The following SEL1L2 variants were observed in gnomAD, a reference collection of about 807,000 sequenced individuals.
The protein encoded by SEL1L2 is SEL1L2 adaptor subunit of SYVN1 ubiquitin ligase, also known as protein sel-1 homolog 2.
A neutral mutation model predicts 98.8 loss-of-function variants in SEL1L2; 89 were observed. The observed-to-expected ratio is 0.90, with a 90% confidence interval of 0.76 to 1.07. The LOEUF (loss-of-function observed/expected upper bound fraction) is 1.07. Ranked by LOEUF, SEL1L2 falls within the 50% of genes least tolerant of loss-of-function variation. The pLI, the probability that SEL1L2 is intolerant of heterozygous loss-of-function variation, is 0.00. For missense variants in SEL1L2, 788 were observed against 812.0 expected (o/e 0.97, Z 0.36); for synonymous variants, 262 against 278.5 (o/e 0.94, Z 0.59).
intron 1 of SEL1L2, among the ~76,000 whole-genome samples, chr20:13,969,558 T>C (rs1012338521): frequency 3.9e-5 from 6 of 152,216 alleles, no homozygotes; most frequent in African/African-American, 7.2e-5. Context: ...TTTAAGCCTT[T>C]GAATAATCCA....
intron 1 of SEL1L2, among the ~76,000 whole-genome samples, chr20:13,982,921 G>C (rs1056897805): frequency 1.3e-5 from 2 of 149,228 alleles, no homozygotes. Context: ...CTACTCGGGA[G>C]GCTGAGGCAG....
chr20:13,884,021 T>C (rs1389954977), intron 10 of SEL1L2, among the ~76,000 whole-genome samples: 1 of 152,200 alleles, frequency 6.6e-6, no homozygotes, highest in Non-Finnish European at 1.5e-5. Flanking sequence ...TTGGGGTGCG[T>C]ATGCTTATTT....
intron 2 of SEL1L2, among the ~76,000 whole-genome samples, chr20:13,953,624 G>A (rs2050379370): frequency 6.6e-6 from 1 of 152,136 alleles, no homozygotes; most frequent in African/African-American, 2.4e-5. Context: ...CAGGGAGGAA[G>A]AGTCTGGATT....
intron 10 of SEL1L2, among the ~76,000 whole-genome samples, chr20:13,882,812 CTTT>C (rs759286946): frequency 9.3e-6 from 1 of 107,246 alleles, no homozygotes; most frequent in Admixed American, 1.1e-4. Context: ...GTCAATTTGT[CTTT>C]TTTTTTTTTT....
intron 2 of SEL1L2, among the ~76,000 whole-genome samples, chr20:13,935,703 G>A (rs1439467740): frequency 6.6e-6 from 1 of 152,190 alleles, no homozygotes; most frequent in Non-Finnish European, 1.5e-5. Context: ...GTTGTGTTCT[G>A]TGTGAATGGG....
At chr20:13,916,081 C>T (rs1172419666) in intron 4 of SEL1L2, among the ~76,000 whole-genome samples, 4 of 152,134 alleles carry the variant, frequency 2.6e-5, no homozygotes, top group Non-Finnish European at 4.4e-5. Context: ...CTCTCTGACA[C>T]GCTTGCTTAA....
chr20:13,930,076 C>T (rs2049075681), intron 3 of SEL1L2, among the ~76,000 whole-genome samples: 1 of 152,234 alleles, frequency 6.6e-6, no homozygotes, highest in South Asian at 2.1e-4. Context: ...CAGGCATAGG[C>T]AATGGCCACC....
At chr20:13,965,725 C>T (rs182577608) in intron 1 of SEL1L2, among the ~76,000 whole-genome samples, 69 of 152,196 alleles carry the variant, frequency 4.5e-4, no homozygotes, top group African/African-American at 1.6e-3. Context: ...GAAGCAGAGG[C>T]GGGCAGATCA....
At chr20:13,876,406 CTTTTTTTT>C (rs11087067) in intron 11 of SEL1L2, among the ~76,000 whole-genome samples, 10 of 101,946 alleles carry the variant, frequency 9.8e-5, no homozygotes, top group African/African-American at 3.5e-4. Flanking sequence ...CTCTCTCTCT[CTTTTTTTT>C]TTTTTTTTTT....
intron 18 of SEL1L2, 27 bp downstream of exon 18, chr20:13,859,235 G>C (rs1475561661): frequency 6.3e-7 from 1 of 1,599,728 alleles, no homozygotes; most frequent in Non-Finnish European, 8.6e-7. Flanking sequence ...GTCATTACTA[G>C]GTTTGAATTA....
At chr20:13,880,526 AC>A (rs1303282413) in intron 10 of SEL1L2, among the ~76,000 whole-genome samples, 1 of 152,008 alleles carries the variant, frequency 6.6e-6, no homozygotes, top group Non-Finnish European at 1.5e-5. Flanking sequence ...TGAAACTACC[AC>A]CAAGCAAGCT....
At chr20:13,888,438 A>G (rs1388485697) in intron 6 of SEL1L2, 21 bp downstream of exon 6, 4 of 1,486,124 alleles carry the variant, frequency 2.7e-6, no homozygotes, top group Non-Finnish European at 3.7e-6. Context: ...TTGTTCCAGA[A>G]TAAAACAGAA....
rs143129601 is a variant in SEL1L2 at position 13,986,084 on chromosome 20, T to C, written c.58+4393A>G. ...TCCACTTTTTGTCTATTATGAATAA[T>C]GCTACTATTTATGTGTAAGTTTTTG... On this transcript the variant is annotated intron_variant, in intron 1 of 19. Coordinates refer to ENST00000284951, the MANE Select transcript of SEL1L2 (RefSeq NM_025229.2). 1.9e-3 allele frequency among the ~76,000 whole-genome samples: 295 copies of C among 152,366 alleles called. 1 individual carries two copies. The highest frequency in any genetic ancestry group is 6.2e-3 in the African/African-American group (256 of 41,588).
At chr20:13,902,575 C>T (rs868271054) in intron 5 of SEL1L2, among the ~76,000 whole-genome samples, 20 of 152,260 alleles carry the variant, frequency 1.3e-4, no homozygotes, top group African/African-American at 2.2e-4. Context: ...GATCCTCCAT[C>T]CCTTGGTCAT....
intron 5 of SEL1L2, among the ~76,000 whole-genome samples, chr20:13,903,950 A>T (rs1397121687): frequency 6.6e-6 from 1 of 152,148 alleles, no homozygotes; most frequent in Non-Finnish European, 1.5e-5. Flanking sequence ...CCACATTTTT[A>T]TTTTTTCATC....
intron 2 of SEL1L2, among the ~76,000 whole-genome samples, chr20:13,948,697 T>C (rs2050127396): frequency 6.6e-6 from 1 of 152,252 alleles, no homozygotes; most frequent in South Asian, 2.1e-4. Flanking sequence ...GATTTGGTAA[T>C]GATTTCTTGG....
chr20:13,950,633 G>C (rs1303542190), intron 2 of SEL1L2, among the ~76,000 whole-genome samples: 1 of 152,180 alleles, frequency 6.6e-6, no homozygotes, highest in Admixed American at 6.5e-5. Context: ...TGTTAAGGAG[G>C]ATGGGACTAT....
At chr20:13,970,300 T>C (rs6079241) in intron 1 of SEL1L2, among the ~76,000 whole-genome samples, 40,365 of 152,042 alleles carry the variant, frequency 0.27, 5,886 homozygotes, top group Admixed American at 0.4. Flanking sequence ...AATTACTAAA[T>C]ATGGATAGAC....
upstream of SEL1L2, among the ~76,000 whole-genome samples, chr20:13,992,908 C>G (rs540263149): frequency 2.6e-5 from 4 of 152,060 alleles, no homozygotes; most frequent in Non-Finnish European, 5.9e-5. Context: ...CCTCACTCAC[C>G]CTTATGACCT....
Sources: gnomAD v4.1 joint callset for allele counts (sites outside exome capture counted in the v4.1 genomes callset) on GRCh38, gnomAD v4.1.1 for gene constraint, MANE v1.5 for transcripts, NCBI Gene and HGNC (gene_info 2026-07-23, HGNC 2026-07-21) for gene names.